Variants in CIMIP2C observed in about 807,000 individuals in gnomAD.
The protein encoded by CIMIP2C is UPF0573 protein C2orf70.
the CIMIP2C span, among the ~76,000 whole-genome samples, chr2:26,569,384 T>G: frequency 2.6e-5 from 4 of 152,296 alleles, no homozygotes; most frequent in South Asian, 8.3e-4. Flanking sequence ...GCGGAGGGAC[T>G]GACACCTGGC....
the CIMIP2C span, among the ~76,000 whole-genome samples, chr2:26,572,399 C>T: frequency 1.0e-4 from 15 of 145,678 alleles, no homozygotes; most frequent in East Asian, 2.1e-4. Flanking sequence ...AGGATTTTGT[C>T]GCTGAACATG....
At chr2:26,573,874 A>T in the CIMIP2C span, among the ~76,000 whole-genome samples, 2 of 152,226 alleles carry the variant, frequency 1.3e-5, no homozygotes, top group Non-Finnish European at 2.9e-5. Context: ...GTGAGACCCC[A>T]GGAAGGCACA....
At chr2:26,570,129 A>G in the CIMIP2C span, among the ~76,000 whole-genome samples, 1 of 152,212 alleles carries the variant, frequency 6.6e-6, no homozygotes, top group African/African-American at 2.4e-5. Context: ...AGGATTGCGG[A>G]GGAGAGGGCT....
the CIMIP2C span, among the ~76,000 whole-genome samples, chr2:26,573,258 A>C: frequency 2.0e-5 from 3 of 152,200 alleles, no homozygotes; most frequent in Admixed American, 6.5e-5. Flanking sequence ...GAGGGAGGGA[A>C]TCTGCAATCC....
chr2:26,562,912 C>T, the CIMIP2C span: 2 of 562,798 alleles, frequency 3.6e-6, no homozygotes, highest in Non-Finnish European at 3.1e-6. Flanking sequence ...GAAGGCGCTC[C>T]CTGGCAAGTG....
chr2:26,565,815 G>A, the CIMIP2C span, among the ~76,000 whole-genome samples: 2 of 152,234 alleles, frequency 1.3e-5, no homozygotes, highest in Admixed American at 6.5e-5. Context: ...TCTGGTTCTA[G>A]GAACCCCGGG....
chr2:26,565,587 T>C, the CIMIP2C span, among the ~76,000 whole-genome samples: 10 of 152,126 alleles, frequency 6.6e-5, no homozygotes, highest in Admixed American at 2.6e-4. Flanking sequence ...CAGTAAGAGA[T>C]GGACTCTGGA....
chr2:26,569,025 AAAAAAAG>A, the CIMIP2C span, among the ~76,000 whole-genome samples: 1 of 151,928 alleles, frequency 6.6e-6, no homozygotes, highest in Non-Finnish European at 1.5e-5. Context: ...TCAAAAAAAA[AAAAAAAG>A]AAAAGAAAAA....
chr2:26,575,309 T>G, the CIMIP2C span, among the ~76,000 whole-genome samples: 1 of 152,228 alleles, frequency 6.6e-6, no homozygotes, highest in African/African-American at 2.4e-5. Flanking sequence ...CACCCATCGC[T>G]GTTCACTGAC....
chr2:26,577,925 C>T, the CIMIP2C span: 3 of 398,028 alleles, frequency 7.5e-6, no homozygotes, highest in African/African-American at 2.1e-5. Context: ...ACTGATGCCC[C>T]GCCTGCAAAG....
chr2:26,569,742 T>A, the CIMIP2C span, among the ~76,000 whole-genome samples: 1 of 151,972 alleles, frequency 6.6e-6, no homozygotes, highest in Non-Finnish European at 1.5e-5. Flanking sequence ...GCTTATGTGG[T>A]GTACAGATGG....
At chr2:26,578,046 C>T in the CIMIP2C span, 169 of 172,062 alleles carry the variant, frequency 9.8e-4, no homozygotes, top group Admixed American at 3.3e-3. Flanking sequence ...GAATCTCCCC[C>T]GGTCCCGTTC....
chr2:26,572,532 C>A, the CIMIP2C span, among the ~76,000 whole-genome samples: 1 of 152,130 alleles, frequency 6.6e-6, no homozygotes, highest in Non-Finnish European at 1.5e-5. Flanking sequence ...CTTTTCCCTG[C>A]GGAATGCTGT....
At chr2:26,562,664 G>A in the CIMIP2C span, 4 of 1,580,814 alleles carry the variant, frequency 2.5e-6, no homozygotes, top group Admixed American at 1.8e-5. Flanking sequence ...TGCCGCCTAC[G>A]TGCCCCCTGG....
the CIMIP2C span, chr2:26,563,169 T>G: frequency 6.3e-6 from 1 of 158,690 alleles, no homozygotes; most frequent in Non-Finnish European, 1.4e-5. Context: ...TCGAAGAACC[T>G]GGCAAGGCCG....
At chr2:26,575,929 C>T in the CIMIP2C span, 6 of 1,613,612 alleles carry the variant, frequency 3.7e-6, no homozygotes, top group Non-Finnish European at 5.1e-6. Context: ...CCACTGTGGC[C>T]TTCTCCTTTG....
chr2:26,565,702 C>CGGTGT, the CIMIP2C span, among the ~76,000 whole-genome samples: 739 of 152,326 alleles, frequency 4.9e-3, 1 homozygote, highest in Admixed American at 9.3e-3. Context: ...GGGATGATCA[C>CGGTGT]GGTGTGCAGG....
At chr2:26,576,991 C>T in the CIMIP2C span, among the ~76,000 whole-genome samples, 1 of 152,202 alleles carries the variant, frequency 6.6e-6, no homozygotes, top group African/African-American at 2.4e-5. Flanking sequence ...GTGTCCTGGC[C>T]CCAGGGCAGA....
the CIMIP2C span, among the ~76,000 whole-genome samples, chr2:26,569,750 T>C: frequency 1.3e-5 from 2 of 152,032 alleles, no homozygotes; most frequent in East Asian, 1.9e-4. Flanking sequence ...GGTGTACAGA[T>C]GGATGGAGGG....
Sources: allele counts gnomAD v4.1 joint callset (sites outside exome capture counted in the v4.1 genomes callset), GRCh38; gene constraint gnomAD v4.1.1; transcripts MANE v1.5; gene names NCBI Gene and HGNC (gene_info 2026-07-23, HGNC 2026-07-21).